The following MTMR4 variants were observed in gnomAD, a reference collection of about 807,000 sequenced individuals.
MTMR4 encodes the protein myotubularin related protein 4.
In MTMR4, 30 loss-of-function variants were observed where a neutral mutation model predicts 125.5. The observed-to-expected ratio is 0.24, with a 90% CI of 0.18 to 0.32. MTMR4 has a LOEUF of 0.32. MTMR4 is among the 10% of genes least tolerant of loss of function. The pLI, the probability that MTMR4 is intolerant of heterozygous loss-of-function variation, is 1.00. For missense variants in MTMR4, 1,039 were observed against 1,511.5 expected (o/e 0.69, Z 5.18); for synonymous variants, 498 against 564.5 (o/e 0.88, Z 1.67).
rs537798994 is a variant in MTMR4, at chr17:58,502,075, C to CAA, written c.1853+1667_1853+1668dup. Among the ~76,000 whole-genome samples the CAA allele has an allele frequency of 1.0e-4, 14 of 134,970 alleles. No homozygotes were observed. In the South Asian group the frequency reaches 3.0e-3, roughly 29 times the overall value. The allele number at this position is 134,970 out of a possible 152,430, so 88.5% of individuals were successfully genotyped here. On this transcript the variant is annotated intron_variant, in intron 14 of 17. Coordinates refer to ENST00000682306, the MANE Select transcript of MTMR4 (RefSeq NM_001378067.1). ...CTCTGTCAAAAACAAAAAAACAAAA[C>CAA]AAAAAAAAAACACACAAAGTAACCC... is the stretch of plus-strand genomic sequence containing the variant.
chr17:58,511,820 C>T (rs1483543428), intron 3 of MTMR4, among the ~76,000 whole-genome samples: 2 of 152,140 alleles, frequency 1.3e-5, no homozygotes, highest in African/African-American at 4.8e-5. Context: ...GTTTGCCTGA[C>T]TCCAAAGCCT....
At chr17:58,507,035 C>T (rs1975795348) in intron 8 of MTMR4, 88 bp downstream of exon 8, 1 of 1,581,122 alleles carries the variant, frequency 6.3e-7, no homozygotes. Flanking sequence ...TTGTCATCTT[C>T]CCAGACTCTC....
intron 14 of MTMR4, among the ~76,000 whole-genome samples, chr17:58,498,809 T>G (rs1975542701): frequency 6.6e-6 from 1 of 152,202 alleles, no homozygotes; most frequent in African/African-American, 2.4e-5. Context: ...CTTCTCGACC[T>G]TTCAATGTCT....
At chr17:58,500,070 A>C (rs1047911674) in intron 14 of MTMR4, among the ~76,000 whole-genome samples, 1 of 152,164 alleles carries the variant, frequency 6.6e-6, no homozygotes, top group Admixed American at 6.6e-5. Flanking sequence ...TTCCTGAGTA[A>C]AACAGCCACC....
chr17:58,505,248 G>A (rs962427908), intron 10 of MTMR4, among the ~76,000 whole-genome samples: 7 of 152,194 alleles, frequency 4.6e-5, no homozygotes. Flanking sequence ...TGTTCTTTGA[G>A]TAGAACAACT....
chr17:58,508,537 G>A lies in MTMR4; in HGVS notation c.524C>T (p.Ala175Val), dbSNP rs375243165. Residue 175 changes from alanine (A) to valine (V), a missense_variant, in exon 6 of 18, where the codon GCG becomes GTG. By Grantham distance (64) the Ala-to-Val change is moderately conservative. Coordinates refer to ENST00000682306, the MANE Select transcript of MTMR4 (RefSeq NM_001378067.1). The surrounding 1 kb of genome is among the most constrained non-coding windows in gnomAD (Gnocchi z 4.8). Reference sequence around the variant, plus strand: ...GTCAAAGCCCATCCTTGCAAGCTCCGCCTCCTGTCGACAACGTATGTGCTC... The same window carrying A: ...GTCAAAGCCCATCCTTGCAAGCTCCACCTCCTGTCGACAACGTATGTGCTC... ...PGEHIRCRQE[A>V]ELARMGFDLQ... 68 of 1,614,076 alleles carry A rather than the reference G, an allele frequency of 4.2e-5. No individual in the cohort carries two copies. The highest frequency in any genetic ancestry group is 4.6e-5 in the Non-Finnish European group (54 of 1,180,048).
intron 14 of MTMR4, among the ~76,000 whole-genome samples, chr17:58,503,110 C>T (rs1975684036): frequency 6.6e-6 from 1 of 152,152 alleles, no homozygotes; most frequent in Non-Finnish European, 1.5e-5. Context: ...TAGCAAGCTC[C>T]CCATGCCCTG....
rs139674521 is a variant in MTMR4, at chr17:58,504,164, G to C, written c.1584C>G (p.Asn528Lys). Reference protein sequence around the residue: ...SCLYGTFLANNPCEREKRNIY... With the variant: ...SCLYGTFLANKPCEREKRNIY... Reference sequence around the variant, plus strand: ...TGTTGCGCTTCTCTCGCTCACAGGGGTTGTTGGCCAGGAAGGTGCCGTAGA... The same window carrying C: ...TGTTGCGCTTCTCTCGCTCACAGGGCTTGTTGGCCAGGAAGGTGCCGTAGA... Residue 528 changes from asparagine to lysine, a missense_variant, in exon 13 of 18, where the codon AAC becomes AAG. By Grantham distance (94) the Asn-to-Lys change is moderately conservative. Coordinates refer to ENST00000682306, the MANE Select transcript of MTMR4 (RefSeq NM_001378067.1). This position sits in a 1 kb window ranked among gnomAD's most constrained non-coding sequence, Gnocchi z 7.1. 1 of 1,612,970 alleles carries C rather than the reference G, an allele frequency of 6.2e-7. No homozygotes were observed. Among genetic ancestry groups the C allele is most frequent in the Non-Finnish European group, 8.5e-7 (1 of 1,179,528 alleles).
In MTMR4 at chr17:58,512,974, C is replaced by A. The variant is rs1171759434; in HGVS notation, c.46-33G>T. 6.6e-7 allele frequency: 1 copy of A among 1,518,204 alleles called. No homozygotes were observed. The highest frequency in any genetic ancestry group is 1.7e-5 in the Admixed American group (1 of 58,278). The allele number at this position is 1,518,204 out of a possible 1,614,324, so 94.0% of individuals were successfully genotyped here. A position where few individuals can be genotyped will look rare whatever the true frequency, so the allele number is the denominator to read the frequency against. On this transcript the variant is annotated intron_variant, in intron 1 of 17. Transcript: ENST00000682306. This position sits in a 1 kb window ranked among gnomAD's most constrained non-coding sequence, Gnocchi z 4.1. ...AAGGCCACAGTCCTAAGTCACCAAG[C>A]TCCACTTAGCCCATCAGGCTCATTC...
chr17:58,499,203 C>T (rs987891653), intron 14 of MTMR4, among the ~76,000 whole-genome samples: 23 of 151,942 alleles, frequency 1.5e-4, no homozygotes, highest in African/African-American at 5.3e-4. Context: ...AAAATAGCCC[C>T]TTCTCAACCC....
chr17:58,507,040 A>T (rs1169789879), intron 8 of MTMR4, 83 bp downstream of exon 8: 1 of 1,578,896 alleles, frequency 6.3e-7, no homozygotes, highest in African/African-American at 1.4e-5. Flanking sequence ...ATCTTCCCAG[A>T]CTCTCACTGG....
chr17:58,495,932 G>A lies in MTMR4; in HGVS notation c.2252C>T (p.Ala751Val), dbSNP rs1975453455. ...TAAAGTCCTACCCAGCTCATCCTGGGCAGAAGGGTCTGGAGCTGGTCCCTT... is the reference window on the plus strand; with the variant it reads ...TAAAGTCCTACCCAGCTCATCCTGGACAGAAGGGTCTGGAGCTGGTCCCTT... ...ETKGPAPDPS[A>V]QDELGRTLDG... Residue 751 changes from alanine (A) to valine (V), a missense_variant, in exon 15 of 18, where the codon GCC becomes GTC. By Grantham distance (64) the Ala-to-Val change is moderately conservative (BLOSUM62 0). This residue lies in a region of MTMR4 where 619 missense variants were observed against 714.5 expected (regional missense o/e 0.87). Coordinates refer to ENST00000682306, the MANE Select transcript of MTMR4 (RefSeq NM_001378067.1). The A allele has an allele frequency of 6.2e-7, 1 of 1,614,170 alleles. No homozygotes were observed. The highest frequency in any genetic ancestry group is 8.5e-7 in the Non-Finnish European group (1 of 1,180,034).
rs372129422 is a variant in MTMR4, at chr17:58,496,237, G to T, written c.1947C>A (p.Asn649Lys). The change falls in exon 15 of 18, where the codon AAC becomes AAA. Residue 649 changes from asparagine (N) to lysine (K), a missense_variant. Coordinates refer to ENST00000682306, the MANE Select transcript of MTMR4 (RefSeq NM_001378067.1). ...TRTSSDPNLN[N>K]HCQEVRVGLE... ...GGCCTACCCTGACCTCCTGACAGTG[G>T]TTATTCAGGTTAGGGTCACTGGATG... 10 of 1,614,154 alleles carry T rather than the reference G, an allele frequency of 6.2e-6. No homozygotes were observed. Among genetic ancestry groups the T allele is most frequent in the Non-Finnish European group, 7.6e-6 (9 of 1,180,034 alleles).
chr17:58,500,853 T>C (rs1975606477), intron 14 of MTMR4, among the ~76,000 whole-genome samples: 2 of 152,182 alleles, frequency 1.3e-5, no homozygotes, highest in Non-Finnish European at 2.9e-5. Context: ...TTCTATTTCT[T>C]TGCTGTAGCC....
In MTMR4 at chr17:58,490,417, CAAAA is replaced by C. The variant is rs1975286826; in HGVS notation, c.*1242_*1245del. On this transcript the variant is annotated 3_prime_UTR_variant, in exon 18 of 18. Transcript: ENST00000682306. ...ATATTAAGATGAAAAAAAACAAAAA[CAAAA>C]ACAAAAAAACAAAATAAAATTTTTT... The C allele has an allele frequency of 6.6e-6, 1 of 152,422 alleles. No individual in the cohort carries two copies. The highest frequency in any genetic ancestry group is 1.5e-5 in the Non-Finnish European group (1 of 67,980). 9.4% of individuals were successfully genotyped at this position (152,422 alleles called of 1,614,324 possible).
chr17:58,496,446 GAACA>G, intron 14 of MTMR4, 116 bp from the exon 15 acceptor site: 2 of 808,580 alleles, frequency 2.5e-6, no homozygotes, highest in Non-Finnish European at 3.8e-6. Context: ...TGACACTTAA[GAACA>G]CTTAAGTTTA....
At position 58,512,742 on chromosome 17, in the gene MTMR4, TGAA is replaced by T; in HGVS notation, c.135+107_135+109del. On this transcript the variant is annotated intron_variant, in intron 2 of 17. Transcript: ENST00000682306. This position sits in a 1 kb window ranked among gnomAD's most constrained non-coding sequence, Gnocchi z 4.1. ...CTCCTCCTCCAGAGACCAGGGAACA[TGAA>T]GCCAGAGCTCTGGTACCAGATGCCC... is the stretch of plus-strand genomic sequence containing the variant. 2.0e-6 allele frequency: 2 copies of T among 980,670 alleles called. No individual in the cohort carries two copies. Among genetic ancestry groups the T allele is most frequent in the South Asian group, 2.9e-5 (2 of 68,356 alleles). 60.7% of individuals were successfully genotyped at this position (980,670 alleles called of 1,614,324 possible). A position where few individuals can be genotyped will look rare whatever the true frequency, so the allele number is the denominator to read the frequency against.
upstream of MTMR4, among the ~76,000 whole-genome samples, chr17:58,517,230 A>G (rs1262102378): frequency 6.6e-6 from 1 of 152,240 alleles, no homozygotes; most frequent in Non-Finnish European, 1.5e-5. Flanking sequence ...GCCACACAAC[A>G]GGGACAGAAT....
rs1975313274 is a variant in MTMR4 at position 58,491,517 on chromosome 17, A to T, written c.*146T>A. The T allele has an allele frequency of 1.2e-6, 1 of 810,926 alleles. No homozygotes were observed. Among genetic ancestry groups the T allele is most frequent in the Non-Finnish European group, 1.9e-6 (1 of 530,412 alleles). 50.2% of individuals were successfully genotyped at this position (810,926 alleles called of 1,614,324 possible). A position where few individuals can be genotyped will look rare whatever the true frequency, so the allele number is the denominator to read the frequency against. ...TGCTAAATTGCAATTCCTCTGCTCC[A>T]GTTTCATGATACCAAGGAGGATTTC... On this transcript the variant is annotated 3_prime_UTR_variant, in exon 18 of 18. Coordinates refer to ENST00000682306, the MANE Select transcript of MTMR4 (RefSeq NM_001378067.1).
Sources: gnomAD v4.1 joint callset for allele counts (sites outside exome capture counted in the v4.1 genomes callset) on GRCh38, gnomAD v4.1.1 for gene constraint, gnomAD v4.1.1 regional missense constraint, Gnocchi (gnomAD v3.1) non-coding constraint, MANE v1.5 for transcripts, NCBI Gene and HGNC (gene_info 2026-07-23, HGNC 2026-07-21) for gene names.